NALCN: variants seen among roughly 807,000 people sequenced by gnomAD.
The protein encoded by NALCN is sodium leak channel NALCN.
In NALCN, 111 loss-of-function variants were observed where a neutral mutation model predicts 225.3. The observed-to-expected ratio is 0.49, with a 90% CI of 0.42 to 0.58. NALCN has a LOEUF of 0.58. NALCN is among the 20% of genes least tolerant of loss of function. NALCN has a pLI of 0.00. For synonymous variants in NALCN, 764 were observed against 769.0 expected, an observed-to-expected ratio of 0.99 and a Z score of 0.11; for missense variants, 1,378 against 2,202.4, an observed-to-expected ratio of 0.63 and a Z score of 7.49.
chr13:101,117,175 A>G (rs1413167339), intron 18 of NALCN, among the ~76,000 whole-genome samples: 1 of 152,226 alleles, frequency 6.6e-6, no homozygotes, highest in Non-Finnish European at 1.5e-5. Context: ...ATGTAAATAC[A>G]TGGGCGACCA....
At chr13:101,135,881 A>AG (rs2036761094) in intron 17 of NALCN, among the ~76,000 whole-genome samples, 1 of 152,240 alleles carries the variant, frequency 6.6e-6, no homozygotes, top group Non-Finnish European at 1.5e-5. Flanking sequence ...CAGCGGCCTT[A>AG]ACTCCTTGAT....
intron 2 of NALCN, 81 bp downstream of exon 2, chr13:101,398,938 A>G: frequency 3.3e-6 from 3 of 905,788 alleles, no homozygotes; most frequent in Middle Eastern, 5.1e-4. Flanking sequence ...TTCGAAGCCA[A>G]AGGTACATGA....
chr13:101,063,955 C>T (rs1242086954), intron 40 of NALCN, among the ~76,000 whole-genome samples: 1 of 152,072 alleles, frequency 6.6e-6, no homozygotes, highest in Non-Finnish European at 1.5e-5. Context: ...GAATGAAATA[C>T]ACCGTATTAC....
chr13:101,311,633 T>G (rs969080918), intron 7 of NALCN, among the ~76,000 whole-genome samples: 8 of 152,150 alleles, frequency 5.3e-5, no homozygotes, highest in African/African-American at 1.9e-4. Flanking sequence ...GGTTTTTGTC[T>G]TTGGTTCTGT....
intron 26 of NALCN, among the ~76,000 whole-genome samples, chr13:101,101,682 GGA>G (rs1445084610): frequency 8.5e-5 from 13 of 152,140 alleles, no homozygotes; most frequent in African/African-American, 2.7e-4. Context: ...TATGCATAGA[GGA>G]GAGGAGAGAA....
intron 15 of NALCN, among the ~76,000 whole-genome samples, chr13:101,157,746 T>C (rs2037973868): frequency 7.1e-6 from 1 of 141,518 alleles, no homozygotes; most frequent in African/African-American, 2.7e-5. Context: ...GGAGGGGACA[T>C]GGTCTTTTTT....
At chr13:101,291,769 C>A (rs2043562539) in intron 9 of NALCN, among the ~76,000 whole-genome samples, 1 of 152,082 alleles carries the variant, frequency 6.6e-6, no homozygotes, top group African/African-American at 2.4e-5. Flanking sequence ...AGGCTGATCT[C>A]AAACTCCTGG....
chr13:101,057,763 G>C (rs2139384224), intron 43 of NALCN, 176 bp downstream of exon 43: 1 of 639,780 alleles, frequency 1.6e-6, no homozygotes, highest in South Asian at 1.8e-5. Flanking sequence ...GTCATATTTA[G>C]AGAAGTTATT....
chr13:101,085,898 T>G (rs1171702240), intron 30 of NALCN, among the ~76,000 whole-genome samples: 1 of 152,158 alleles, frequency 6.6e-6, no homozygotes, highest in Non-Finnish European at 1.5e-5. Context: ...ACACCACTCC[T>G]TGTTGGTCTC....
chr13:101,314,345 A>T (rs73563516), intron 7 of NALCN, among the ~76,000 whole-genome samples: 1,639 of 152,234 alleles, frequency 0.011, 25 homozygotes, highest in African/African-American at 0.037. Flanking sequence ...GGGAATGATT[A>T]AAAAAACTGT....
intron 6 of NALCN, among the ~76,000 whole-genome samples, chr13:101,357,882 C>T (rs565634002): frequency 5.9e-5 from 9 of 152,224 alleles, no homozygotes; most frequent in African/African-American, 9.6e-5. Context: ...AATCACATCA[C>T]GCATCTACAA....
intron 7 of NALCN, among the ~76,000 whole-genome samples, chr13:101,322,322 C>A (rs1338043): frequency 0.59 from 89,844 of 151,992 alleles, 26,888 homozygotes; most frequent in East Asian, 0.78. Context: ...TGTAAATGAT[C>A]GTGTGCAAAT....
rs546867410 is a variant in NALCN, at chr13:101,094,200, A to G, written c.3269+1374T>C. On this transcript the variant is annotated intron_variant, in intron 28 of 43. Coordinates refer to ENST00000251127, the MANE Select transcript of NALCN (RefSeq NM_052867.4). ...CGCAAGGCTCAAGAGGACTCAGATG[A>G]TGTGGCCCTAGGCAGTGACTACTGG... Among the ~76,000 whole-genome samples the G allele has an allele frequency of 2.3e-4, 35 of 152,278 alleles. No homozygotes were observed. In the South Asian group the frequency reaches 7.3e-3, roughly 32 times the overall value.
At chr13:101,182,101 T>C (rs932149880) in intron 14 of NALCN, among the ~76,000 whole-genome samples, 106 of 113,718 alleles carry the variant, frequency 9.3e-4, no homozygotes, top group African/African-American at 3.6e-3. Flanking sequence ...GCCACTGCAC[T>C]CCAGCCTGGG....
chr13:101,154,251 G>A (rs1460372829), intron 15 of NALCN, among the ~76,000 whole-genome samples: 2 of 152,170 alleles, frequency 1.3e-5, no homozygotes, highest in East Asian at 1.9e-4. Context: ...ATAGCTAGAA[G>A]TGGCAGAACT....
At chr13:101,259,930 T>C (rs1195664101) in intron 10 of NALCN, among the ~76,000 whole-genome samples, 1 of 152,042 alleles carries the variant, frequency 6.6e-6, no homozygotes, top group Non-Finnish European at 1.5e-5. Context: ...TATTATTGAC[T>C]GCAGTCACTG....
intron 20 of NALCN, among the ~76,000 whole-genome samples, chr13:101,110,290 TTCAAAG>T (rs1306462903): frequency 6.6e-6 from 1 of 152,240 alleles, no homozygotes; most frequent in African/African-American, 2.4e-5. Flanking sequence ...TCAGTGAATA[TTCAAAG>T]TCAATGATGC....
rs79170662 is a variant in NALCN, at chr13:101,064,433, T to C, written c.4604+971A>G. 5.7e-3 allele frequency among the ~76,000 whole-genome samples: 867 copies of C among 152,272 alleles called. 6 individuals are homozygous for C. Among genetic ancestry groups the C allele is most frequent in the Non-Finnish European group, 9.7e-3 (661 of 68,030 alleles). On this transcript the variant is annotated intron_variant, in intron 40 of 43. Coordinates refer to ENST00000251127, the MANE Select transcript of NALCN (RefSeq NM_052867.4). ...ACCTCTAGTACCTCAGAACGTAAGG[T>C]TATTTGGAAATAGAACATTGCAGAT...
intron 15 of NALCN, among the ~76,000 whole-genome samples, chr13:101,168,287 T>C (rs2038550078): frequency 6.6e-6 from 1 of 152,208 alleles, no homozygotes; most frequent in Non-Finnish European, 1.5e-5. Context: ...TTTTGCTCTT[T>C]TTCAGTATCT....
Sources: allele counts gnomAD v4.1 joint callset (sites outside exome capture counted in the v4.1 genomes callset), GRCh38; gene constraint gnomAD v4.1.1; transcripts MANE v1.5; gene names NCBI Gene and HGNC (gene_info 2026-07-23, HGNC 2026-07-21).